Variants in NBEA observed in about 807,000 individuals in gnomAD.
NBEA encodes the protein neurobeachin, also known as lysosomal-trafficking regulator 2.
Under a neutral mutation model 343.4 loss-of-function variants are expected in NBEA, and 44 were observed. That is an observed-to-expected ratio of 0.13 (90% CI 0.10 to 0.16). NBEA has a LOEUF of 0.16. NBEA is among the 10% of genes least tolerant of loss of function. The probability of loss-of-function intolerance (pLI) is 1.00; values close to 1 mark genes in which losing one functional copy is unlikely to be tolerated. For synonymous variants in NBEA, 1,175 were observed against 1,238.7 expected, an observed-to-expected ratio of 0.95 and a Z score of 1.08; for missense variants, 2,555 against 3,631.3, an observed-to-expected ratio of 0.70 and a Z score of 7.62.
intron 38 of NBEA, among the ~76,000 whole-genome samples, chr13:35,429,407 C>G (rs778557416): frequency 5.9e-5 from 9 of 152,036 alleles, no homozygotes; most frequent in Non-Finnish European, 2.9e-5. Context: ...TCTTGCTAAA[C>G]TGCTGTTTTT....
intron 1 of NBEA, among the ~76,000 whole-genome samples, chr13:34,957,542 G>A (rs2059536606): frequency 6.6e-6 from 1 of 151,948 alleles, no homozygotes; most frequent in Non-Finnish European, 1.5e-5. Flanking sequence ...CAAAATACCT[G>A]TAATTCATCT....
intron 34 of NBEA, among the ~76,000 whole-genome samples, chr13:35,254,084 C>T (rs563320544): frequency 8.6e-5 from 13 of 152,040 alleles, no homozygotes; most frequent in South Asian, 8.3e-4. Context: ...GTACCTACAT[C>T]CTTATCTAAT....
intron 21 of NBEA, among the ~76,000 whole-genome samples, chr13:35,158,552 T>G (rs2069341929): frequency 6.6e-6 from 1 of 152,140 alleles, no homozygotes; most frequent in African/African-American, 2.4e-5. Context: ...TGTAAATTTA[T>G]ATATTTAATG....
At chr13:35,137,943 AT>A (rs1471836454) in intron 17 of NBEA, among the ~76,000 whole-genome samples, 1 of 152,190 alleles carries the variant, frequency 6.6e-6, no homozygotes, top group African/African-American at 2.4e-5. Context: ...ATGCCACAAA[AT>A]CCCTTGAAAT....
chr13:35,408,892 T>C (rs2043421889), intron 38 of NBEA, among the ~76,000 whole-genome samples: 2 of 151,910 alleles, frequency 1.3e-5, no homozygotes, highest in Admixed American at 6.6e-5. Flanking sequence ...CACTTGTACA[T>C]TGTGGGAGTG....
chr13:35,489,005 C>CA (rs957457485), intron 41 of NBEA, among the ~76,000 whole-genome samples: 7 of 150,314 alleles, frequency 4.7e-5, no homozygotes, highest in Non-Finnish European at 8.9e-5. Flanking sequence ...GTATGGGTGG[C>CA]AAAAAAATTG....
intron 34 of NBEA, among the ~76,000 whole-genome samples, chr13:35,254,992 G>T (rs1029100955): frequency 6.6e-6 from 1 of 152,010 alleles, no homozygotes; most frequent in Non-Finnish European, 1.5e-5. Context: ...AATAAGATTA[G>T]TTTCTGTTAC....
chr13:35,038,288 A>T (rs1208761184), intron 1 of NBEA, among the ~76,000 whole-genome samples: 1 of 151,960 alleles, frequency 6.6e-6, no homozygotes. Context: ...GGCTCAGGGC[A>T]GGTCTAGAAA....
intron 40 of NBEA, 113 bp from the exon 41 acceptor site, chr13:35,472,287 G>A: frequency 2.6e-6 from 3 of 1,141,114 alleles, no homozygotes; most frequent in Non-Finnish European, 3.7e-6. Context: ...GCATAATACA[G>A]GCACCATTTT....
chr13:35,534,397 C>A (rs2078427022), intron 41 of NBEA, among the ~76,000 whole-genome samples: 1 of 152,204 alleles, frequency 6.6e-6, no homozygotes, highest in Admixed American at 6.5e-5. Flanking sequence ...AGTTTAGCCT[C>A]ATTCCAAGTC....
At chr13:35,055,258 A>AT (rs1157566736) in intron 6 of NBEA, among the ~76,000 whole-genome samples, 1 of 152,130 alleles carries the variant, frequency 6.6e-6, no homozygotes, top group African/African-American at 2.4e-5. Flanking sequence ...ATTTTAGGCT[A>AT]TTAACTCTCA....
intron 1 of NBEA, among the ~76,000 whole-genome samples, chr13:34,981,470 ACCACT>A (rs1233447048): frequency 2.6e-5 from 4 of 152,212 alleles, no homozygotes; most frequent in African/African-American, 7.2e-5. Context: ...AAGTGATTAT[ACCACT>A]TTACATTGCC....
rs1167558495 is a variant in NBEA, at chr13:35,159,268, G to T, written c.3097G>T (p.Val1033Leu). ...DTRDLLMSTKVSDDILGNSDR... is the reference protein window; with the variant it reads ...DTRDLLMSTKLSDDILGNSDR... ...TCGAGACTTACTCATGTCAACAAAA[G>T]TGTCAGATGATATTCTTGGAAATTC... The change falls in exon 22 of 59, where the codon GTG becomes TTG. Residue 1033 changes from valine (V) to leucine (L), a missense_variant. Val to Leu is a conservative substitution (Grantham distance 32). This residue lies in a region of NBEA where 367 missense variants were observed against 377.5 expected (regional missense o/e 0.97). Coordinates refer to ENST00000379939, the MANE Select transcript of NBEA (RefSeq NM_001385012.1). 6.2e-7 allele frequency: 1 copy of T among 1,613,398 alleles called. No individual in the cohort carries two copies. Among genetic ancestry groups the T allele is most frequent in the Non-Finnish European group, 8.5e-7 (1 of 1,179,612 alleles).
chr13:35,376,677 G>A (rs2041759051), intron 38 of NBEA, among the ~76,000 whole-genome samples: 1 of 152,076 alleles, frequency 6.6e-6, no homozygotes, highest in Non-Finnish European at 1.5e-5. Context: ...GATAGGAGGA[G>A]GAATAGGATT....
At chr13:35,238,666 T>C (rs962775476) in intron 34 of NBEA, among the ~76,000 whole-genome samples, 2 of 152,164 alleles carry the variant, frequency 1.3e-5, no homozygotes, top group Admixed American at 6.5e-5. Flanking sequence ...GATAGAGGTG[T>C]CTGAGATACA....
intron 33 of NBEA, among the ~76,000 whole-genome samples, chr13:35,230,238 G>T (rs1197281214): frequency 6.6e-6 from 1 of 151,986 alleles, no homozygotes; most frequent in Admixed American, 6.6e-5. Flanking sequence ...GTAATCAGTT[G>T]CTCGGATTAA....
At chr13:35,587,253 T>G (rs55981058) in intron 46 of NBEA, among the ~76,000 whole-genome samples, 16,243 of 152,178 alleles carry the variant, frequency 0.11, 1,065 homozygotes, top group African/African-American at 0.18. Flanking sequence ...AGAAAAGATG[T>G]ACCTGGGCTT....
intron 38 of NBEA, among the ~76,000 whole-genome samples, chr13:35,396,992 C>G (rs528159608): frequency 3.9e-4 from 60 of 152,272 alleles, no homozygotes; most frequent in African/African-American, 1.3e-3. Context: ...TCATCCTGGA[C>G]TTCTACACTA....
chr13:35,566,788 G>A (rs945616085), intron 44 of NBEA, 117 bp from the exon 45 acceptor site: 4 of 582,934 alleles, frequency 6.9e-6, no homozygotes, highest in South Asian at 6.6e-5. Flanking sequence ...TTAAAGATAC[G>A]GTTCAATAAA....
Sources: allele counts gnomAD v4.1 joint callset (sites outside exome capture counted in the v4.1 genomes callset), GRCh38; gene constraint gnomAD v4.1.1; regional missense constraint gnomAD v4.1.1; transcripts MANE v1.5; gene names NCBI Gene and HGNC (gene_info 2026-07-23, HGNC 2026-07-21).